The following SLC22A23 variants were observed in gnomAD, a reference collection of about 807,000 sequenced individuals.
SLC22A23 encodes the protein solute carrier family 22 member 23, also known as ion transporter protein.
In SLC22A23, 26 loss-of-function variants were observed where a neutral mutation model predicts 61.0. The ratio of observed to expected loss-of-function variants is 0.43; its 90% CI spans 0.31 to 0.59. SLC22A23 has a LOEUF of 0.59. SLC22A23 is among the 20% of genes least tolerant of loss of function. The pLI is 0.11. For synonymous variants in SLC22A23, 430 were observed against 413.9 expected (o/e 1.04, Z -0.47); for missense variants, 796 against 934.7 (o/e 0.85, Z 1.94).
intron 3 of SLC22A23, among the ~76,000 whole-genome samples, chr6:3,379,251 C>G (rs1561938671): frequency 6.6e-6 from 1 of 152,172 alleles, no homozygotes; most frequent in Non-Finnish European, 1.5e-5. Context: ...TCGGCTTCCC[C>G]CAATAAACAT....
At chr6:3,381,598 C>A (rs1011991310) in intron 3 of SLC22A23, among the ~76,000 whole-genome samples, 12 of 152,230 alleles carry the variant, frequency 7.9e-5, no homozygotes, top group African/African-American at 2.9e-4. Flanking sequence ...TGCTCCCAAT[C>A]CCAGCTCTAC....
chr6:3,390,344 C>G lies in SLC22A23; in HGVS notation c.913+19844G>C, dbSNP rs941161068. 6.6e-6 allele frequency among the ~76,000 whole-genome samples: 1 copy of G among 152,206 alleles called. No homozygotes were observed. Among genetic ancestry groups the G allele is most frequent in the African/African-American group, 2.4e-5 (1 of 41,460 alleles). On this transcript the variant is annotated intron_variant, in intron 3 of 9. Transcript: ENST00000406686. This position sits in a 1 kb window ranked among gnomAD's most constrained non-coding sequence, Gnocchi z 4.0. Reference sequence around the variant, plus strand: ...TAAAAGATGCCCCTCTGTCAGAATGCAGAGAGATCTAAGTAGATCCTGCAT... The same window carrying G: ...TAAAAGATGCCCCTCTGTCAGAATGGAGAGAGATCTAAGTAGATCCTGCAT...
In SLC22A23 at chr6:3,414,185, C is replaced by T. The variant is rs1223612405; in HGVS notation, c.758+1567G>A. ...AATTATTTATTGAATAAGGACACTA[C>T]AACCCCAGTTGAGTTTGCATTTTTT... On this transcript the variant is annotated intron_variant, in intron 2 of 9. Coordinates refer to ENST00000406686, the MANE Select transcript of SLC22A23 (RefSeq NM_015482.2). This position sits in a 1 kb window ranked among gnomAD's most constrained non-coding sequence, Gnocchi z 5.1. Among the ~76,000 whole-genome samples, 5 of 152,216 alleles carry T rather than the reference C, an allele frequency of 3.3e-5. No homozygotes were observed. Among genetic ancestry groups the T allele is most frequent in the African/African-American group, 9.7e-5 (4 of 41,450 alleles).
At chr6:3,393,732 C>A (rs1767816538) in intron 3 of SLC22A23, among the ~76,000 whole-genome samples, 1 of 152,234 alleles carries the variant, frequency 6.6e-6, no homozygotes, top group South Asian at 2.1e-4. Context: ...TTTATAATAA[C>A]TTTCAACGTT....
intron 4 of SLC22A23, among the ~76,000 whole-genome samples, chr6:3,320,340 C>T (rs999529295): frequency 6.6e-6 from 1 of 152,186 alleles, no homozygotes; most frequent in Non-Finnish European, 1.5e-5. Context: ...TCTGGCCAGT[C>T]CTCACACGTT....
intron 6 of SLC22A23, among the ~76,000 whole-genome samples, chr6:3,288,705 C>T (rs970176095): frequency 3.3e-5 from 5 of 152,216 alleles, no homozygotes; most frequent in African/African-American, 9.7e-5. Flanking sequence ...GTAGAGAAGC[C>T]GTTCAACTCC....
intron 3 of SLC22A23, among the ~76,000 whole-genome samples, chr6:3,400,424 A>G (rs1768302921): frequency 6.6e-6 from 1 of 152,208 alleles, no homozygotes; most frequent in Admixed American, 6.5e-5. Flanking sequence ...CAGGGCAGTA[A>G]TGGTGCTTGC....
chr6:3,425,246 T>C (rs1242796578), intron 1 of SLC22A23, among the ~76,000 whole-genome samples: 1 of 151,488 alleles, frequency 6.6e-6, no homozygotes, highest in Non-Finnish European at 1.5e-5. Context: ...CAGTAGAAAA[T>C]TGGGTATATG....
chr6:3,416,108 G>T (rs1769683169), intron 1 of SLC22A23, among the ~76,000 whole-genome samples: 1 of 152,216 alleles, frequency 6.6e-6, no homozygotes, highest in Non-Finnish European at 1.5e-5. Context: ...GGAAGTCTGG[G>T]GATGTGTATT....
chr6:3,435,873 CAG>C (rs1309853167), intron 1 of SLC22A23, among the ~76,000 whole-genome samples: 1 of 152,190 alleles, frequency 6.6e-6, no homozygotes, highest in Non-Finnish European at 1.5e-5. Flanking sequence ...GATGAGGACA[CAG>C]ACACACACAG....
intron 4 of SLC22A23, chr6:3,312,771 C>A (rs1167778545): frequency 6.6e-6 from 1 of 152,412 alleles, no homozygotes; most frequent in Non-Finnish European, 1.5e-5. Context: ...CAGAGGCCCA[C>A]TCACTTGGTC....
rs1581674786 is a variant in SLC22A23 at position 3,313,966 on chromosome 6, T to C, written c.1082+9868A>G. On this transcript the variant is annotated intron_variant, in intron 4 of 9. Transcript: ENST00000406686. ...ATTGCTTGAACCCAAGAGGTGGAGG[T>C]TGTAGTGAGCCGAGATTGTGCCATT... is the stretch of plus-strand genomic sequence containing the variant. 2.0e-5 allele frequency among the ~76,000 whole-genome samples: 3 copies of C among 152,006 alleles called. No individual in the cohort carries two copies. In the South Asian group the frequency reaches 6.2e-4, roughly 32 times the overall value.
intron 3 of SLC22A23, among the ~76,000 whole-genome samples, chr6:3,349,593 T>C (rs1013475412): frequency 3.2e-4 from 48 of 152,336 alleles, no homozygotes; most frequent in African/African-American, 1.1e-3. Context: ...ACAGCTGGCA[T>C]GAGCTGTTTT....
At chr6:3,400,761 G>C (rs901806275) in intron 3 of SLC22A23, among the ~76,000 whole-genome samples, 5 of 152,226 alleles carry the variant, frequency 3.3e-5, no homozygotes, top group Non-Finnish European at 7.3e-5. Context: ...TGAGAAAGAG[G>C]GTGGGGATAT....
chr6:3,274,957 C>CTTT (rs11393848), intron 9 of SLC22A23, among the ~76,000 whole-genome samples: 4 of 143,436 alleles, frequency 2.8e-5, no homozygotes, highest in Non-Finnish European at 4.6e-5. Context: ...TTCCAGGTGA[C>CTTT]TTTTTTTTTT....
At chr6:3,447,133 C>T (rs1459269202) in intron 1 of SLC22A23, among the ~76,000 whole-genome samples, 1 of 152,190 alleles carries the variant, frequency 6.6e-6, no homozygotes, top group African/African-American at 2.4e-5. Context: ...AAGTTCTTAG[C>T]ACGGTTTATA....
At chr6:3,368,851 G>A (rs1480855616) in intron 3 of SLC22A23, among the ~76,000 whole-genome samples, 2 of 152,062 alleles carry the variant, frequency 1.3e-5, no homozygotes, top group Non-Finnish European at 2.9e-5. Context: ...CAGGAAGGTG[G>A]GTTCGTTATG....
intron 1 of SLC22A23, among the ~76,000 whole-genome samples, chr6:3,441,096 T>C (rs1771563416): frequency 6.6e-6 from 1 of 152,128 alleles, no homozygotes; most frequent in African/African-American, 2.4e-5. Flanking sequence ...AGCTCAGACA[T>C]GTCGAGAGGG....
At chr6:3,447,939 G>A (rs1226455612) in intron 1 of SLC22A23, among the ~76,000 whole-genome samples, 2 of 114,326 alleles carry the variant, frequency 1.7e-5, no homozygotes, top group East Asian at 2.6e-4. Context: ...GTCTCACTCT[G>A]TTGCCCAGAC....
Sources: allele counts gnomAD v4.1 joint callset (sites outside exome capture counted in the v4.1 genomes callset), GRCh38; gene constraint gnomAD v4.1.1; non-coding constraint Gnocchi (gnomAD v3.1); transcripts MANE v1.5; gene names NCBI Gene and HGNC (gene_info 2026-07-23, HGNC 2026-07-21).